CISD2: variants seen among roughly 807,000 people sequenced by gnomAD.
CISD2 encodes the protein CDGSH iron sulfur domain 2, also known as CDGSH iron-sulfur domain-containing protein 2.
In CISD2, 1 loss-of-function variant was observed where a neutral mutation model predicts 12.9. That is an observed-to-expected ratio of 0.08 (90% CI 0.03 to 0.37). The LOEUF (loss-of-function observed/expected upper bound fraction) is 0.37, where lower values mean the gene tolerates loss of function less well. Among genes scored for constraint, CISD2 ranks in the 10% least tolerant of loss-of-function variants. The pLI, the probability that CISD2 is intolerant of heterozygous loss-of-function variation, is 0.99. For missense variants in CISD2, 97 were observed against 163.1 expected, an observed-to-expected ratio of 0.59 and a Z score of 2.21; for synonymous variants, 50 against 60.6, an observed-to-expected ratio of 0.83 and a Z score of 0.81.
Position 102,889,609 on chromosome 4 carries a change from T to C in CISD2, c.*2179T>C, listed in dbSNP as rs540879345. The C allele has an allele frequency of 1.0e-3, 157 of 150,760 alleles. 2 individuals carry two copies. The highest frequency in any genetic ancestry group is 3.8e-3 in the African/African-American group (156 of 41,048). The allele number at this position is 150,760 out of a possible 1,614,324, so 9.3% of individuals were successfully genotyped here. ...TAATTTTAATACCCCAAAAGTAAGA[T>C]GGTTGTACTCTCAGAATAAAGACTT... On this transcript the variant is annotated 3_prime_UTR_variant, in exon 3 of 3. Transcript: ENST00000273986.
chr4:102,879,626 G>A (rs2110396029), intron 1 of CISD2, among the ~76,000 whole-genome samples: 1 of 152,140 alleles, frequency 6.6e-6, no homozygotes, highest in Non-Finnish European at 1.5e-5. Flanking sequence ...ATAAAAATTA[G>A]CAGGGCGTTT....
In CISD2 at chr4:102,885,375, T is replaced by A; in HGVS notation, c.263T>A (p.Ile88Asn). The A allele has an allele frequency of 1.9e-6, 3 of 1,614,128 alleles. No individual in the cohort carries two copies. The highest frequency in any genetic ancestry group is 2.5e-6 in the Non-Finnish European group (3 of 1,179,974). ...ENPKVVNEIN[I>N]EDLCLTKAAY... is the part of the protein sequence containing the mutation. The stretch of plus-strand genomic sequence containing the variant: ...CCGAAAGTAGTGAATGAAATAAACA[T>A]TGAAGATTTGTGTCTTACTAAAGCA... The change falls in exon 2 of 3, where the codon ATT becomes AAT. Residue 88 changes from isoleucine to asparagine, a missense_variant. Coordinates refer to ENST00000273986, the MANE Select transcript of CISD2 (RefSeq NM_001008388.5).
In CISD2 at chr4:102,887,754, TCC is replaced by T. The variant is rs1332490040; in HGVS notation, c.*326_*327del. 1 of 186,316 alleles carries T rather than the reference TCC, an allele frequency of 5.4e-6. No individual in the cohort carries two copies. Among genetic ancestry groups the T allele is most frequent in the Non-Finnish European group, 1.1e-5 (1 of 89,878 alleles). The allele number at this position is 186,316 out of a possible 1,614,324, so 11.5% of individuals were successfully genotyped here. A position where few individuals can be genotyped will look rare whatever the true frequency, so the allele number is the denominator to read the frequency against. ...TTCAACAGGATCTTGTATTTAAAATTCCCACCTACATTGTTAAATATGTTATT... is the reference window on the plus strand; with the variant it reads ...TTCAACAGGATCTTGTATTTAAAATTCACCTACATTGTTAAATATGTTATT... On this transcript the variant is annotated 3_prime_UTR_variant, in exon 3 of 3. Coordinates refer to ENST00000273986, the MANE Select transcript of CISD2 (RefSeq NM_001008388.5).
chr4:102,889,140 G>GAGTT lies in CISD2; in HGVS notation c.*1713_*1716dup, dbSNP rs1476846894. The GAGTT allele has an allele frequency of 1.2e-4, 19 of 152,328 alleles. No homozygotes were observed. The highest frequency in any genetic ancestry group is 4.6e-4 in the African/African-American group (19 of 41,570). The allele number at this position is 152,328 out of a possible 1,614,324, so 9.4% of individuals were successfully genotyped here. A position where few individuals can be genotyped will look rare whatever the true frequency, so the allele number is the denominator to read the frequency against. On this transcript the variant is annotated 3_prime_UTR_variant, in exon 3 of 3. Coordinates refer to ENST00000273986, the MANE Select transcript of CISD2 (RefSeq NM_001008388.5). ...TTCATGACCAGCAGCATGTATTTTA[G>GAGTT]AGTTAGAAATGTAGTCTGGTTTTTG...
intron 1 of CISD2, among the ~76,000 whole-genome samples, chr4:102,873,037 C>T (rs773358472): frequency 1.3e-5 from 2 of 152,054 alleles, no homozygotes; most frequent in East Asian, 1.9e-4. Context: ...GAAGTAGTGC[C>T]GAGCAAAGGA....
At chr4:102,878,036 C>G (rs751821301) in intron 1 of CISD2, among the ~76,000 whole-genome samples, 21 of 151,940 alleles carry the variant, frequency 1.4e-4, no homozygotes, top group Non-Finnish European at 3.1e-4. Flanking sequence ...ACATTTTCCC[C>G]ATTGTCTTGG....
chr4:102,882,205 T>TA (rs920215305), intron 1 of CISD2, among the ~76,000 whole-genome samples: 7 of 151,908 alleles, frequency 4.6e-5, no homozygotes, highest in Non-Finnish European at 7.4e-5. Context: ...AATAAATAAA[T>TA]AAGATTTTCA....
chr4:102,877,173 T>C (rs1733612015), intron 1 of CISD2, among the ~76,000 whole-genome samples: 2 of 152,190 alleles, frequency 1.3e-5, no homozygotes. Context: ...CTTAATTCAT[T>C]TCATCATTAA....
At chr4:102,881,073 T>C (rs1262362359) in intron 1 of CISD2, among the ~76,000 whole-genome samples, 2 of 152,114 alleles carry the variant, frequency 1.3e-5, no homozygotes, top group Non-Finnish European at 2.9e-5. Context: ...ATATCTGTAA[T>C]AGCTGAACAT....
At chr4:102,880,027 C>T (rs980501557) in intron 1 of CISD2, among the ~76,000 whole-genome samples, 2 of 152,048 alleles carry the variant, frequency 1.3e-5, no homozygotes, top group East Asian at 3.9e-4. Flanking sequence ...ACTGCCACCT[C>T]CACTTCCGGG....
At chr4:102,879,900 A>G (rs1192957831) in intron 1 of CISD2, among the ~76,000 whole-genome samples, 1 of 152,164 alleles carries the variant, frequency 6.6e-6, no homozygotes, top group Admixed American at 6.5e-5. Flanking sequence ...GATCAGACAA[A>G]TAAGGTCCCT....
chr4:102,874,924 C>CT (rs774668134), intron 1 of CISD2, among the ~76,000 whole-genome samples: 2 of 152,190 alleles, frequency 1.3e-5, no homozygotes, highest in Non-Finnish European at 2.9e-5. Context: ...CTGTGGCCCT[C>CT]TAATCCATCT....
At chr4:102,887,156 TA>T (rs1733969068) in intron 2 of CISD2, among the ~76,000 whole-genome samples, 184 bp from the exon 3 acceptor site, 1 of 152,216 alleles carries the variant, frequency 6.6e-6, no homozygotes, top group Admixed American at 6.5e-5. Context: ...AATAATGAAG[TA>T]ACTGTTTAAA....
intron 1 of CISD2, among the ~76,000 whole-genome samples, chr4:102,877,621 C>T (rs905336534): frequency 2.6e-5 from 4 of 152,242 alleles, no homozygotes; most frequent in Admixed American, 6.5e-5. Context: ...AGTGGGGACT[C>T]TGTGTGAGGG....
intron 1 of CISD2, among the ~76,000 whole-genome samples, chr4:102,870,032 T>G (rs1733389614): frequency 6.6e-6 from 1 of 152,182 alleles, no homozygotes; most frequent in Non-Finnish European, 1.5e-5. Context: ...TAAACGGAAC[T>G]CAGACCGAGT....
chr4:102,887,022 A>C (rs1214260877), intron 2 of CISD2, among the ~76,000 whole-genome samples: 2 of 152,352 alleles, frequency 1.3e-5, no homozygotes, highest in Non-Finnish European at 2.9e-5. Context: ...ATTAAGCAAT[A>C]GGTGAGCTCG....
chr4:102,871,166 C>A (rs1478874368), intron 1 of CISD2, among the ~76,000 whole-genome samples: 1 of 152,136 alleles, frequency 6.6e-6, no homozygotes, highest in Non-Finnish European at 1.5e-5. Context: ...AGTTTCGATT[C>A]TCTGTAAATC....
In CISD2 at chr4:102,891,422, T is replaced by G. The variant is rs1332168397; in HGVS notation, c.*3992T>G. On this transcript the variant is annotated 3_prime_UTR_variant, in exon 3 of 3. Transcript: ENST00000273986. ...TAAAGGCATAGCAGCTTGAGACAAT[T>G]TATAGGATTCTGCATACAACTGTCT... is the stretch of plus-strand genomic sequence containing the variant. 4.6e-5 allele frequency: 7 copies of G among 152,100 alleles called. No individual in the cohort carries two copies. The highest frequency in any genetic ancestry group is 1.0e-4 in the Non-Finnish European group (7 of 68,000). The allele number at this position is 152,100 out of a possible 1,614,324, so 9.4% of individuals were successfully genotyped here.
intron 1 of CISD2, among the ~76,000 whole-genome samples, chr4:102,879,525 G>A (rs1733667305): frequency 1.3e-5 from 2 of 152,140 alleles, no homozygotes; most frequent in Non-Finnish European, 2.9e-5. Flanking sequence ...GCTAATGCCT[G>A]TAATCTCAGC....
Sources: allele counts gnomAD v4.1 joint callset (sites outside exome capture counted in the v4.1 genomes callset), GRCh38; gene constraint gnomAD v4.1.1; transcripts MANE v1.5; gene names NCBI Gene and HGNC (gene_info 2026-07-23, HGNC 2026-07-21).